The following SUMF2 variants were observed in gnomAD, a reference collection of about 807,000 sequenced individuals.
SUMF2 encodes sulfatase modifying factor 2.
Under a neutral mutation model 44.8 loss-of-function variants are expected in SUMF2, and 45 were observed. The ratio of observed to expected loss-of-function variants is 1.00; its 90% confidence interval spans 0.79 to 1.29. SUMF2 has a LOEUF of 1.29. SUMF2 is among the 50% of genes most tolerant of loss of function. The pLI is 0.00. For synonymous variants in SUMF2, 148 were observed against 150.4 expected, an observed-to-expected ratio of 0.98 and a Z score of 0.12; for missense variants, 418 against 389.9, an observed-to-expected ratio of 1.07 and a Z score of -0.61.
chr7:56,081,831 C>T (rs2117537240), downstream of SUMF2: 10 of 1,609,012 alleles, frequency 6.2e-6, 1 homozygote, highest in South Asian at 6.6e-5. This position sits in a 1 kb window ranked among gnomAD's most constrained non-coding sequence, Gnocchi z 4.6. Context: ...CAGGGCCTCC[C>T]CGGGCAGGGG....
chr7:56,087,829 T>C, the SUMF2 span: 1 of 1,458,554 alleles, frequency 6.9e-7, no homozygotes, highest in Non-Finnish European at 9.5e-7. Flanking sequence ...CCATGGGGGG[T>C]CCCAGATTAG....
chr7:56,064,454 A>G, intron 1 of SUMF2, 76 bp downstream of exon 1: 7 of 1,500,978 alleles, frequency 4.7e-6, no homozygotes, highest in Non-Finnish European at 6.2e-6. Flanking sequence ...AGAGAGCCTT[A>G]GGCCCTTCTG....
chr7:56,081,432 C>T (rs35046650), downstream of SUMF2: 89,741 of 1,297,140 alleles, frequency 0.069, 4,171 homozygotes, highest in East Asian at 0.25. The surrounding 1 kb of genome is among the most constrained non-coding windows in gnomAD (Gnocchi z 4.6). Flanking sequence ...TAGTGTCCCC[C>T]ACTTCCCACT....
At position 56,074,399 on chromosome 7, in the gene SUMF2, A is replaced by G. The variant is rs530160894; in HGVS notation, c.384+181A>G. 1.8e-5 allele frequency: 18 copies of G among 982,584 alleles called. No homozygotes were observed. In the Middle Eastern group the frequency reaches 9.9e-4, roughly 54 times the overall value. The allele number at this position is 982,584 out of a possible 1,614,324, so 60.9% of individuals were successfully genotyped here. On this transcript the variant is annotated intron_variant, in intron 4 of 8. Coordinates refer to ENST00000434526, the MANE Select transcript of SUMF2 (RefSeq NM_015411.4). The stretch of plus-strand genomic sequence containing the variant: ...GCCCGAATCCTGTTTCCTGTTACCC[A>G]TCCATTTCTCCCTTCAGCCTCCTGT...
chr7:56,084,364 A>C, downstream of SUMF2: 1 of 511,782 alleles, frequency 2.0e-6, no homozygotes, highest in South Asian at 2.5e-5. Flanking sequence ...GGACGTGAGT[A>C]TCCCGATTTT....
At chr7:56,070,996 T>TG (rs1279490672) in intron 2 of SUMF2, among the ~76,000 whole-genome samples, 1 of 152,216 alleles carries the variant, frequency 6.6e-6, no homozygotes, top group East Asian at 1.9e-4. Flanking sequence ...GTTGGTGAGT[T>TG]GCAGGGAAAT....
At chr7:56,084,369 G>C, downstream of SUMF2, 1 of 473,432 alleles carries the variant, frequency 2.1e-6, no homozygotes, top group Non-Finnish European at 3.7e-6. Flanking sequence ...TGAGTATCCC[G>C]ATTTTTTTTT....
In SUMF2 at chr7:56,079,874, C is replaced by A; in HGVS notation, c.*262C>A. Reference sequence around the variant, plus strand: ...TGTTAGAGGCCAAGTATTATTGACACAGGATTGCAAACACACAAACAATTG... The same window carrying A: ...TGTTAGAGGCCAAGTATTATTGACAAAGGATTGCAAACACACAAACAATTG... On this transcript the variant is annotated 3_prime_UTR_variant, in exon 9 of 9. Transcript: ENST00000434526. The A allele has an allele frequency of 6.5e-7, 1 of 1,540,304 alleles. No homozygotes were observed.
intron 2 of SUMF2, among the ~76,000 whole-genome samples, chr7:56,072,299 G>A (rs1049209072): frequency 1.1e-4 from 16 of 150,292 alleles, no homozygotes; most frequent in South Asian, 2.1e-4. Context: ...GGTGGTATAC[G>A]TCTGTAATCC....
chr7:56,087,194 TTTATTATTATTATTATTA>T, the SUMF2 span, among the ~76,000 whole-genome samples: 9 of 136,084 alleles, frequency 6.6e-5, no homozygotes, highest in East Asian at 2.2e-4. Context: ...GCCCAGGGAC[TTTATTATTATTATTATTA>T]TTATTATTAT....
At position 56,080,260 on chromosome 7, in the gene SUMF2, CTTTTTT is replaced by C. The variant is rs71015184; in HGVS notation, c.*666_*671del. ...AGACAAATATCAGAAGCTTCCTATT[CTTTTTT>C]TTTTTTTTTTTTTTTTTGAGACAGG... is the stretch of plus-strand genomic sequence containing the variant. On this transcript the variant is annotated 3_prime_UTR_variant, in exon 9 of 9. Transcript: ENST00000434526. 7.8e-4 allele frequency: 82 copies of C among 105,414 alleles called. No homozygotes were observed. The highest frequency in any genetic ancestry group is 1.2e-3 in the Non-Finnish European group (62 of 53,688). The allele number at this position is 105,414 out of a possible 1,614,324, so 6.5% of individuals were successfully genotyped here. A position where few individuals can be genotyped will look rare whatever the true frequency, so the allele number is the denominator to read the frequency against.
In SUMF2 at chr7:56,080,362, C is replaced by A. The variant is rs1795901719; in HGVS notation, c.*750C>A. On this transcript the variant is annotated 3_prime_UTR_variant, in exon 9 of 9. Transcript: ENST00000434526. ...CACTCTAGCCTTGAATTCCTGGGCC[C>A]AAGCAATTCTCCCACCTCAGCCTCC... 1 of 155,242 alleles carries A rather than the reference C, an allele frequency of 6.4e-6. No individual in the cohort carries two copies. The highest frequency in any genetic ancestry group is 1.4e-5 in the Non-Finnish European group (1 of 70,848). The allele number at this position is 155,242 out of a possible 1,614,324, so 9.6% of individuals were successfully genotyped here. A position where few individuals can be genotyped will look rare whatever the true frequency, so the allele number is the denominator to read the frequency against.
At chr7:56,082,014 A>G, downstream of SUMF2, 1 of 1,613,922 alleles carries the variant, frequency 6.2e-7, no homozygotes, top group Non-Finnish European at 8.5e-7. Flanking sequence ...GGAGCCGGCC[A>G]GCAGCGTGTA....
intron 2 of SUMF2, among the ~76,000 whole-genome samples, chr7:56,072,287 G>A (rs950313500): frequency 2.6e-5 from 4 of 151,490 alleles, no homozygotes; most frequent in South Asian, 2.1e-4. Flanking sequence ...TTAGCTGGGC[G>A]TGGTGGTATA....
intron 6 of SUMF2, among the ~76,000 whole-genome samples, chr7:56,077,489 C>A (rs866066392): frequency 6.6e-6 from 1 of 150,794 alleles, no homozygotes; most frequent in Non-Finnish European, 1.5e-5. Flanking sequence ...TGGTGAAACC[C>A]TGCTTCTACA....
chr7:56,073,416 G>C, intron 3 of SUMF2: 1 of 389,756 alleles, frequency 2.6e-6, no homozygotes, highest in Non-Finnish European at 4.9e-6. Context: ...ACTTTGAGAG[G>C]CTGAGGTGAG....
At chr7:56,080,777 G>A (rs1584615085), downstream of SUMF2, 5 of 494,398 alleles carry the variant, frequency 1.0e-5, no homozygotes, top group East Asian at 1.8e-4. Flanking sequence ...GGCTCATCTA[G>A]GAAGTAGAGG....
downstream of SUMF2, chr7:56,083,523 A>C (rs1037105866): frequency 5.8e-6 from 9 of 1,549,474 alleles, no homozygotes; most frequent in Non-Finnish European, 8.0e-6. Flanking sequence ...CATTTCAGCC[A>C]CACTGCAAGG....
downstream of SUMF2, chr7:56,082,268 A>G (rs1796040641): frequency 1.9e-6 from 3 of 1,605,154 alleles, no homozygotes; most frequent in Non-Finnish European, 2.6e-6. Flanking sequence ...AGGAACAGTC[A>G]TCATCAGGGC....
Sources: gnomAD v4.1 joint callset for allele counts (sites outside exome capture counted in the v4.1 genomes callset) on GRCh38, gnomAD v4.1.1 for gene constraint, Gnocchi (gnomAD v3.1) non-coding constraint, MANE v1.5 for transcripts, NCBI Gene and HGNC (gene_info 2026-07-23, HGNC 2026-07-21) for gene names.